LRATD1: variants seen among roughly 807,000 people sequenced by gnomAD.
LRATD1 encodes protein LRATD1.
LRATD1 carries 8 observed loss-of-function variants against 21.3 expected under a neutral mutation model. The observed-to-expected ratio is 0.38, with a 90% CI of 0.22 to 0.68. The LOEUF is 0.68. Ranked by LOEUF, LRATD1 falls within the 30% of genes least tolerant of loss-of-function variation. The pLI, the probability that LRATD1 is intolerant of heterozygous loss-of-function variation, is 0.54. For synonymous variants in LRATD1, 210 were observed against 186.2 expected (o/e 1.13, Z -1.04); for missense variants, 380 against 404.0 (o/e 0.94, Z 0.51).
At chr2:14,642,496 C>A (rs145512016), downstream of LRATD1, among the ~76,000 whole-genome samples, 469 of 152,266 alleles carry the variant, frequency 3.1e-3, 4 homozygotes, top group African/African-American at 0.011. Flanking sequence ...CTTGAATAGA[C>A]CACTGTAGTG....
At position 14,635,254 on chromosome 2, in the gene LRATD1, C is replaced by A. The variant is rs1423149474; in HGVS notation, c.*396C>A. ...AAAACAACCCTCTTCTCAAAAGGGA[C>A]CATCACCGCCCCGAGCGTGCGCACA... is the stretch of plus-strand genomic sequence containing the variant. On this transcript the variant is annotated 3_prime_UTR_variant, in exon 2 of 2. Coordinates refer to ENST00000295092, the MANE Select transcript of LRATD1 (RefSeq NM_145175.4). The A allele has an allele frequency of 3.9e-6, 2 of 516,148 alleles. No individual in the cohort carries two copies. The highest frequency in any genetic ancestry group is 4.6e-5 in the Admixed American group (2 of 43,828). The allele number at this position is 516,148 out of a possible 1,614,324, so 32.0% of individuals were successfully genotyped here.
chr2:14,641,304 G>A (rs1374148768), downstream of LRATD1, among the ~76,000 whole-genome samples: 1 of 152,112 alleles, frequency 6.6e-6, no homozygotes, highest in African/African-American at 2.4e-5. Context: ...AGAGTTCACA[G>A]CCCCCATGGT....
chr2:14,643,624 C>T (rs1407897717), downstream of LRATD1, among the ~76,000 whole-genome samples: 1 of 152,220 alleles, frequency 6.6e-6, no homozygotes, highest in Non-Finnish European at 1.5e-5. Context: ...ATGTAAAAGT[C>T]CTCCTCATCC....
downstream of LRATD1, chr2:14,640,056 G>T (rs868716894): frequency 1.2e-5 from 2 of 167,072 alleles, no homozygotes; most frequent in African/African-American, 2.4e-5. Flanking sequence ...ATGTTCTCTT[G>T]TCATTTGGTC....
In LRATD1 at chr2:14,636,401, T is replaced by G. The variant is rs1271756637; in HGVS notation, c.*1543T>G. 6.0e-6 allele frequency: 1 copy of G among 167,154 alleles called. No individual in the cohort carries two copies. The allele number at this position is 167,154 out of a possible 1,614,324, so 10.4% of individuals were successfully genotyped here. On this transcript the variant is annotated 3_prime_UTR_variant, in exon 2 of 2. Transcript: ENST00000295092. The stretch of plus-strand genomic sequence containing the variant: ...TCCTCCTGATCTCCTTAAAAATGAA[T>G]CTAGAGTTGGTGGCTTTTTCCCCCT...
chr2:14,648,733 T>C (rs755776166), intron 4 of LRATD1, among the ~76,000 whole-genome samples: 2 of 152,178 alleles, frequency 1.3e-5, no homozygotes, highest in Non-Finnish European at 2.9e-5. Flanking sequence ...GACCACACTT[T>C]GAGAACCACT....
chr2:14,649,805 C>T (rs1327317735), downstream of LRATD1: 1 of 156,414 alleles, frequency 6.4e-6, no homozygotes, highest in Non-Finnish European at 1.4e-5. Flanking sequence ...TGTTGAAATC[C>T]TAACGCCCCA....
At chr2:14,640,736 G>A (rs1671793554), downstream of LRATD1, among the ~76,000 whole-genome samples, 1 of 152,158 alleles carries the variant, frequency 6.6e-6, no homozygotes, top group Non-Finnish European at 1.5e-5. Context: ...CAAGTCCACT[G>A]TAGATTTCAG....
chr2:14,650,420 T>A (rs1671985765), downstream of LRATD1: 1 of 152,220 alleles, frequency 6.6e-6, no homozygotes, highest in African/African-American at 2.4e-5. Flanking sequence ...CTTTTCTTGG[T>A]ATAATTTGTC....
In LRATD1 at chr2:14,633,027, T is replaced by C. The variant is rs1411095740; in HGVS notation, c.-37+90T>C. Reference sequence around the variant, plus strand: ...TGCTGGGTAGGAGGGAGAGGGGTCTTTGGGCTAAAAGTGAACCTCTCTACA... The same window carrying C: ...TGCTGGGTAGGAGGGAGAGGGGTCTCTGGGCTAAAAGTGAACCTCTCTACA... On this transcript the variant is annotated intron_variant, in intron 1 of 1. Transcript: ENST00000295092. This position sits in a 1 kb window ranked among gnomAD's most constrained non-coding sequence, Gnocchi z 7.5. 1.3e-5 allele frequency: 2 copies of C among 152,304 alleles called. No homozygotes were observed. Among genetic ancestry groups the C allele is most frequent in the Non-Finnish European group, 2.9e-5 (2 of 68,196 alleles). 9.4% of individuals were successfully genotyped at this position (152,304 alleles called of 1,614,324 possible).
At position 14,639,601 on chromosome 2, in the gene LRATD1, T is replaced by A. The variant is rs1243411507; in HGVS notation, c.*4743T>A. On this transcript the variant is annotated 3_prime_UTR_variant, in exon 2 of 2. Transcript: ENST00000295092. ...TCGAAATAGAAGAGGTTTAAGTATT[T>A]GAATAAGTTGGGAAAAAAAGGAAAA... The A allele has an allele frequency of 6.0e-6, 1 of 167,094 alleles. No individual in the cohort carries two copies. Among genetic ancestry groups the A allele is most frequent in the Non-Finnish European group, 1.5e-5 (1 of 68,122 alleles). 10.4% of individuals were successfully genotyped at this position (167,094 alleles called of 1,614,324 possible). A position where few individuals can be genotyped will look rare whatever the true frequency, so the allele number is the denominator to read the frequency against.
chr2:14,651,506 G>T (rs1307633664), downstream of LRATD1, among the ~76,000 whole-genome samples: 1 of 152,106 alleles, frequency 6.6e-6, no homozygotes, highest in African/African-American at 2.4e-5. Flanking sequence ...GTTCTCAGCA[G>T]CTGTGCATAT....
Position 14,636,359 on chromosome 2 carries a change from T to C in LRATD1, c.*1501T>C, listed in dbSNP as rs1387343487. ...TATCATTACCATTTCACATACGCGT[T>C]TCTATTTTTCTTCCTCTCCTCCTGA... On this transcript the variant is annotated 3_prime_UTR_variant, in exon 2 of 2. Transcript: ENST00000295092. 6.0e-6 allele frequency: 1 copy of C among 167,042 alleles called. No homozygotes were observed. The highest frequency in any genetic ancestry group is 1.5e-5 in the Non-Finnish European group (1 of 68,114). The allele number at this position is 167,042 out of a possible 1,614,324, so 10.3% of individuals were successfully genotyped here.
chr2:14,634,747 C>A lies in LRATD1; in HGVS notation c.768C>A (p.Thr256=), dbSNP rs190859188. The A allele has an allele frequency of 3.9e-5, 61 of 1,573,374 alleles. No homozygotes were observed. The East Asian group carries it at 1.2e-3, about 31-fold the overall frequency. The change falls in exon 2 of 2, where the codon ACC becomes ACA. Residue 256 remains threonine (T), a synonymous_variant. Coordinates refer to ENST00000295092, the MANE Select transcript of LRATD1 (RefSeq NM_145175.4). ...KVHLGENKVH[T]ARFHSLEDLI... ...ACCTGGGAGAGAACAAGGTCCACACCGCCAGGTTTCACAGCCTGGAAGACC... is the reference window on the plus strand; with the variant it reads ...ACCTGGGAGAGAACAAGGTCCACACAGCCAGGTTTCACAGCCTGGAAGACC...
Position 14,636,848 on chromosome 2 carries a change from T to C in LRATD1, c.*1990T>C, listed in dbSNP as rs555587501. 6.0e-6 allele frequency: 1 copy of C among 167,140 alleles called. No individual in the cohort carries two copies. Among genetic ancestry groups the C allele is most frequent in the Non-Finnish European group, 1.5e-5 (1 of 68,126 alleles). 10.4% of individuals were successfully genotyped at this position (167,140 alleles called of 1,614,324 possible). A position where few individuals can be genotyped will look rare whatever the true frequency, so the allele number is the denominator to read the frequency against. On this transcript the variant is annotated 3_prime_UTR_variant, in exon 2 of 2. Coordinates refer to ENST00000295092, the MANE Select transcript of LRATD1 (RefSeq NM_145175.4). ...ATGGTAAATGATTCACTTCTATATT[T>C]TTCTTTCTTTTTCTTTTTTTTTCTT...
In LRATD1 at chr2:14,634,186, C is replaced by T. The variant is rs907086244; in HGVS notation, c.207C>T (p.Ser69=). The change falls in exon 2 of 2, where the codon AGC becomes AGT. Residue 69 remains serine (S), a synonymous_variant. Transcript: ENST00000295092. The part of the protein sequence containing the change: ...PGCTPCPESP[S]RHHHHLLHQL... ...GCACCCCCTGCCCGGAGAGCCCCAG[C>T]CGCCACCACCACCACCTGCTGCACC... 3.1e-6 allele frequency: 5 copies of T among 1,613,094 alleles called. No individual in the cohort carries two copies. The highest frequency in any genetic ancestry group is 3.3e-5 in the Admixed American group (2 of 59,974).
chr2:14,634,714 CA>C lies in LRATD1; in HGVS notation c.737del (p.Lys246ArgfsTer166). 6.4e-7 allele frequency: 1 copy of C among 1,555,680 alleles called. No individual in the cohort carries two copies. Among genetic ancestry groups the C allele is most frequent in the Non-Finnish European group, 8.7e-7 (1 of 1,147,714 alleles). ...TQPPQQQYYL[K>X]VHLGENKVHT... Reference sequence around the variant, plus strand: ...AGCCCCCGCAGCAGCAGTACTATCTCAAGGTGCACCTGGGAGAGAACAAGGT... The same window carrying C: ...AGCCCCCGCAGCAGCAGTACTATCTCAGGTGCACCTGGGAGAGAACAAGGT... On this transcript the variant is annotated frameshift_variant, in exon 2 of 2. Transcript: ENST00000295092. LOFTEE classifies it high-confidence loss of function.
rs924299007 is a variant in LRATD1, at chr2:14,636,322, C to T, written c.*1464C>T. 5 of 167,022 alleles carry T rather than the reference C, an allele frequency of 3.0e-5. No individual in the cohort carries two copies. The highest frequency in any genetic ancestry group is 1.2e-4 in the African/African-American group (5 of 41,408). The allele number at this position is 167,022 out of a possible 1,614,324, so 10.3% of individuals were successfully genotyped here. A position where few individuals can be genotyped will look rare whatever the true frequency, so the allele number is the denominator to read the frequency against. On this transcript the variant is annotated 3_prime_UTR_variant, in exon 2 of 2. Transcript: ENST00000295092. ...CAGGTTCCACGATGTTTATTTTTTT[C>T]TCCATGTTGTATATCATTACCATTT...
rs1210528096 is a variant in LRATD1, at chr2:14,648,202, T to A, written n.437-1114T>A. Reference sequence around the variant, plus strand: ...TTGTATCCCTCAGTCTGTAGAGGCATCAGTTCCTCATAGACTCTGTCTCCC... The same window carrying A: ...TTGTATCCCTCAGTCTGTAGAGGCAACAGTTCCTCATAGACTCTGTCTCCC... On this transcript the variant is annotated intron_variant and non_coding_transcript_variant, in intron 4 of 5. Coordinates refer to the LRATD1 transcript ENST00000464947. 1.3e-5 allele frequency among the ~76,000 whole-genome samples: 2 copies of A among 152,206 alleles called. 1 individual carries two copies. Among genetic ancestry groups the A allele is most frequent in the Non-Finnish European group, 2.9e-5 (2 of 68,022 alleles).
Sources: gnomAD v4.1 joint callset for allele counts (sites outside exome capture counted in the v4.1 genomes callset) on GRCh38, gnomAD v4.1.1 for gene constraint, Gnocchi (gnomAD v3.1) non-coding constraint, MANE v1.5 for transcripts, NCBI Gene and HGNC (gene_info 2026-07-23, HGNC 2026-07-21) for gene names.